The following LAMP2 variants were observed in gnomAD, a reference collection of about 807,000 sequenced individuals.
LAMP2 encodes the protein lysosome-associated membrane glycoprotein 2.
Under a neutral mutation model 25.6 loss-of-function variants are expected in LAMP2, and 4 were observed. The observed-to-expected ratio is 0.16, with a 90% CI of 0.08 to 0.36. The LOEUF is 0.36. Among genes scored for constraint, LAMP2 ranks in the 10% least tolerant of loss-of-function variants. The pLI is 1.00. For synonymous variants in LAMP2, 108 were observed against 112.7 expected, an observed-to-expected ratio of 0.96 and a Z score of 0.27; for missense variants, 272 against 301.4, an observed-to-expected ratio of 0.90 and a Z score of 0.72.
intron 6 of LAMP2, 46 bp downstream of exon 6, chrX:120,446,257 ATG>A (rs2058595507): frequency 1.8e-6 from 2 of 1,092,344 alleles, no homozygotes; most frequent in East Asian, 6.9e-5. Context: ...AGACTTTCAG[ATG>A]TGTTTCTAAG....
chrX:120,455,477 C>T lies in LAMP2; in HGVS notation c.277G>A (p.Gly93Arg), dbSNP rs727504953. The T allele has an allele frequency of 1.6e-5, 19 of 1,207,391 alleles. No homozygotes were observed. Among genetic ancestry groups the T allele is most frequent in the East Asian group, 8.9e-5 (3 of 33,737 alleles). Reference protein sequence around the residue: ...QNGPKIAVQFGPGFSWIANFT... With the variant: ...QNGPKIAVQFRPGFSWIANFT... ...TTCGCAATCCAGGAAAAGCCAGGTC[C>T]GAACTGCACTGCTATTTTGGGACCA... Residue 93 changes from glycine to arginine, a missense_variant, in exon 3 of 9, where the codon GGA (glycine) becomes AGA (arginine). Physicochemically the swap from Gly to Arg is moderately radical, Grantham distance 125. Transcript: ENST00000200639.
chrX:120,453,504 T>A (rs1358983793), intron 3 of LAMP2, among the ~76,000 whole-genome samples: 1 of 112,004 alleles, frequency 8.9e-6, no homozygotes, highest in Non-Finnish European at 1.9e-5. Flanking sequence ...AAGAGAATTA[T>A]ATCCCTAACA....
In LAMP2 at chrX:120,427,605, G is replaced by A. The variant is rs1276218532; in HGVS notation, c.*3718C>T. Among the ~76,000 whole-genome samples, 1 of 111,864 alleles carries A rather than the reference G, an allele frequency of 8.9e-6. No individual in the cohort carries two copies. Among genetic ancestry groups the A allele is most frequent in the African/African-American group, 3.2e-5 (1 of 30,805 alleles). The stretch of plus-strand genomic sequence containing the variant: ...ATATCAACTAGAGCATATTCACATA[G>A]GGAATGGGAGAGTGCAGGAGGCACA... On this transcript the variant is annotated 3_prime_UTR_variant, in exon 9 of 9. Coordinates refer to ENST00000200639, the MANE Select transcript of LAMP2 (RefSeq NM_002294.3).
intron 5 of LAMP2, 26 bp from the exon 6 acceptor site, chrX:120,446,453 G>T (rs1332337664): frequency 8.3e-7 from 1 of 1,206,346 alleles, no homozygotes; most frequent in East Asian, 3.0e-5. Flanking sequence ...AAAGGGAAAA[G>T]GTACAGGTTA....
Position 120,446,424 on chromosome X carries a change from C to T in LAMP2, c.745G>A (p.Ala249Thr), listed in dbSNP as rs2058596707. 1 of 1,210,196 alleles carries T rather than the reference C, an allele frequency of 8.3e-7. No homozygotes were observed. Among genetic ancestry groups the T allele is most frequent in the African/African-American group, 1.7e-5 (1 of 57,624 alleles). Residue 249 changes from alanine (A) to threonine (T), a missense_variant, in exon 6 of 9, where the codon GCT (alanine) becomes ACT (threonine). Coordinates refer to ENST00000200639, the MANE Select transcript of LAMP2 (RefSeq NM_002294.3). ...LQLNITQDKVASVININPNTT... is the reference protein window; with the variant it reads ...LQLNITQDKVTSVININPNTT... ...TTGGGGTTGATGTTAATAACTGAAGCAACCTTCAGGAGAAGAAGAAAGGGA... is the reference window on the plus strand; with the variant it reads ...TTGGGGTTGATGTTAATAACTGAAGTAACCTTCAGGAGAAGAAGAAAGGGA...
intron 3 of LAMP2, among the ~76,000 whole-genome samples, chrX:120,455,002 T>C (rs909065849): frequency 1.1e-4 from 11 of 102,590 alleles, no homozygotes; most frequent in Non-Finnish European, 2.2e-4. Context: ...TATGTGTGTA[T>C]ATATATACTA....
chrX:120,428,789 C>T lies in LAMP2; in HGVS notation c.*2534G>A, dbSNP rs2058509099. The T allele has an allele frequency of 1.3e-6, 1 of 751,149 alleles. No individual in the cohort carries two copies. Among genetic ancestry groups the T allele is most frequent in the African/African-American group, 2.3e-5 (1 of 43,038 alleles). The allele number at this position is 751,149 out of a possible 1,213,427, so 61.9% of individuals were successfully genotyped here. On this transcript the variant is annotated 3_prime_UTR_variant, in exon 9 of 9. Coordinates refer to ENST00000200639, the MANE Select transcript of LAMP2 (RefSeq NM_002294.3). ...GCTCAATATCTCATTATCACTTTAT[C>T]TAAAATCACACGAAATTCCTCAGTA... is the stretch of plus-strand genomic sequence containing the variant.
At chrX:120,440,400 T>C (rs2058566749) in intron 8 of LAMP2, among the ~76,000 whole-genome samples, 1 of 112,104 alleles carries the variant, frequency 8.9e-6, no homozygotes, top group Non-Finnish European at 1.9e-5. Flanking sequence ...GCAATTCTAT[T>C]TCTTTCCCCA....
At position 120,428,291 on chromosome X, in the gene LAMP2, G is replaced by A. The variant is rs755451497; in HGVS notation, c.*3032C>T. 4.7e-6 allele frequency: 2 copies of A among 423,090 alleles called. No individual in the cohort carries two copies. Among genetic ancestry groups the A allele is most frequent in the Non-Finnish European group, 3.5e-6 (1 of 286,783 alleles). The allele number at this position is 423,090 out of a possible 1,213,427, so 34.9% of individuals were successfully genotyped here. On this transcript the variant is annotated 3_prime_UTR_variant, in exon 9 of 9. Transcript: ENST00000200639. ...TTTTAATTATACTTTAACAAAGGAAGAAAAAAAACAGAAAAAAATTGGTCC... is the reference window on the plus strand; with the variant it reads ...TTTTAATTATACTTTAACAAAGGAAAAAAAAAAACAGAAAAAAATTGGTCC...
intron 3 of LAMP2, among the ~76,000 whole-genome samples, chrX:120,450,240 C>T (rs758814106): frequency 1.8e-5 from 2 of 111,539 alleles, no homozygotes; most frequent in Non-Finnish European, 3.8e-5. Context: ...CTTCAAAAGA[C>T]GATGATCACC....
intron 8 of LAMP2, chrX:120,437,431 A>T: frequency 5.3e-6 from 4 of 751,335 alleles, no homozygotes; most frequent in Non-Finnish European, 6.3e-6. Flanking sequence ...AAAAAACACG[A>T]AAAAACAACC....
At chrX:120,466,486 T>C (rs996392756) in intron 1 of LAMP2, among the ~76,000 whole-genome samples, 5 of 111,378 alleles carry the variant, frequency 4.5e-5, no homozygotes, top group African/African-American at 1.6e-4. Context: ...CAGTAAGTGC[T>C]CCAAGGTACA....
chrX:120,437,788 A>G (rs2058551869), intron 8 of LAMP2: 8 of 752,746 alleles, frequency 1.1e-5, no homozygotes, highest in Non-Finnish European at 1.3e-5. Context: ...ACAAAGAACA[A>G]CTTTTTAATG....
At chrX:120,458,673 A>T (rs1254040558) in intron 1 of LAMP2, among the ~76,000 whole-genome samples, 1 of 111,580 alleles carries the variant, frequency 9.0e-6, no homozygotes, top group African/African-American at 3.3e-5. Context: ...ACTAAAATTC[A>T]TTCTTCTGCT....
At chrX:120,437,932 C>T (rs900801632) in intron 8 of LAMP2, 10 of 382,524 alleles carry the variant, frequency 2.6e-5, no homozygotes, top group East Asian at 2.0e-4. Flanking sequence ...CTTGGCTCAC[C>T]GCAACCTCTG....
chrX:120,428,381 T>C lies in LAMP2; in HGVS notation c.*2942A>G, dbSNP rs1227318319. On this transcript the variant is annotated 3_prime_UTR_variant, in exon 9 of 9. Coordinates refer to ENST00000200639, the MANE Select transcript of LAMP2 (RefSeq NM_002294.3). ...TTAGCTAGGAACTCACTGAAGTTAG[T>C]CTGCATATCTTAAACAATCTATTGC... is the stretch of plus-strand genomic sequence containing the variant. 2.9e-6 allele frequency: 3 copies of C among 1,018,719 alleles called. No homozygotes were observed. The highest frequency in any genetic ancestry group is 3.8e-6 in the Non-Finnish European group (3 of 792,977). 84.0% of individuals were successfully genotyped at this position (1,018,719 alleles called of 1,213,427 possible). A position where few individuals can be genotyped will look rare whatever the true frequency, so the allele number is the denominator to read the frequency against.
chrX:120,431,411 C>G lies in LAMP2; in HGVS notation c.1145G>C (p.Gly382Ala). The part of the protein sequence containing the change: ...DDNFLVPIAV[G>A]AALAGVLILV... ...AATAAGTACTCCTGCCAAGGCAGCTCCCACCGCTATGGGCACAAGGAAGTT... is the reference window on the plus strand; with the variant it reads ...AATAAGTACTCCTGCCAAGGCAGCTGCCACCGCTATGGGCACAAGGAAGTT... The change falls in exon 9 of 9, where the codon GGA becomes GCA. Residue 382 changes from glycine (G) to alanine (A), a missense_variant. Coordinates refer to ENST00000200639, the MANE Select transcript of LAMP2 (RefSeq NM_002294.3). 1 of 1,210,857 alleles carries G rather than the reference C, an allele frequency of 8.3e-7. No homozygotes were observed. Among genetic ancestry groups the G allele is most frequent in the Non-Finnish European group, 1.1e-6 (1 of 894,721 alleles).
chrX:120,464,005 A>T (rs1305466237), intron 1 of LAMP2, among the ~76,000 whole-genome samples: 1 of 110,111 alleles, frequency 9.1e-6, no homozygotes, highest in South Asian at 3.9e-4. Flanking sequence ...GAACCTCGAA[A>T]TCAAAGTTAT....
chrX:120,436,339 T>G (rs1282412165), intron 8 of LAMP2, among the ~76,000 whole-genome samples: 1 of 111,898 alleles, frequency 8.9e-6, no homozygotes, highest in East Asian at 2.8e-4. Flanking sequence ...GGGACTATTC[T>G]TCCAGATGGT....
Sources: gnomAD v4.1 joint callset for allele counts (sites outside exome capture counted in the v4.1 genomes callset) on GRCh38, gnomAD v4.1.1 for gene constraint, MANE v1.5 for transcripts, NCBI Gene and HGNC (gene_info 2026-07-23, HGNC 2026-07-21) for gene names.